Variants in PCDH19 observed in about 807,000 individuals in gnomAD.
The protein encoded by PCDH19 is protocadherin-19.
Under a neutral mutation model 46.2 loss-of-function variants are expected in PCDH19, and 6 were observed. The observed-to-expected ratio is 0.13, with a 90% CI of 0.07 to 0.26. The LOEUF is 0.26. PCDH19 is among the 10% of genes least tolerant of loss of function. The pLI is 1.00. For missense variants in PCDH19, 740 were observed against 972.3 expected, an observed-to-expected ratio of 0.76 and a Z score of 3.18; for synonymous variants, 481 against 415.7, an observed-to-expected ratio of 1.16 and a Z score of -1.91.
At chrX:100,380,539 T>C (rs1338788246) in intron 3 of PCDH19, among the ~76,000 whole-genome samples, 1 of 111,864 alleles carries the variant, frequency 8.9e-6, no homozygotes, top group Non-Finnish European at 1.9e-5. Context: ...AAAAATAGCA[T>C]AGAATGAAAT....
chrX:100,365,463 TATTA>T (rs1200712642), intron 3 of PCDH19, among the ~76,000 whole-genome samples: 2 of 111,802 alleles, frequency 1.8e-5, no homozygotes, highest in Non-Finnish European at 3.8e-5. Flanking sequence ...TTTTATGCAA[TATTA>T]ATTATTTCTT....
In PCDH19 at chrX:100,363,068, G is replaced by A. The variant is rs185521587; in HGVS notation, c.2617-12364C>T. Among the ~76,000 whole-genome samples, 254 of 111,252 alleles carry A rather than the reference G, an allele frequency of 2.3e-3. 1 individual carries two copies. The highest frequency in any genetic ancestry group is 4.0e-3 in the Non-Finnish European group (210 of 53,069). ...CGCCTGTAATCCTAGCACTTTGGGA[G>A]GCCAAGGTGGACGGATCACCTGACG... On this transcript the variant is annotated intron_variant, in intron 3 of 5. Transcript: ENST00000373034.
intron 5 of PCDH19, among the ~76,000 whole-genome samples, chrX:100,315,774 A>G (rs959959313): frequency 8.9e-6 from 1 of 112,371 alleles, no homozygotes; most frequent in African/African-American, 3.2e-5. Flanking sequence ...TTCATACCTA[A>G]TGATTCAGAC....
At chrX:100,387,055 G>GT (rs972519839) in intron 3 of PCDH19, among the ~76,000 whole-genome samples, 2 of 110,998 alleles carry the variant, frequency 1.8e-5, no homozygotes, top group African/African-American at 6.6e-5. Flanking sequence ...ATCTGTGTGA[G>GT]TTTTTTTTCC....
intron 3 of PCDH19, among the ~76,000 whole-genome samples, chrX:100,384,996 T>C (rs1370378592): frequency 9.1e-6 from 1 of 109,589 alleles, no homozygotes; most frequent in Non-Finnish European, 1.9e-5. Context: ...CTGTCTCTAC[T>C]AAAAATACAA....
In PCDH19 at chrX:100,294,431, T is replaced by C. The variant is rs1924526376; in HGVS notation, c.*1846A>G. ...CTCCCCTACCTAACCCCATCCCTAC[T>C]GCCTTACCCACCCCCTCCCTCAAAA... On this transcript the variant is annotated 3_prime_UTR_variant, in exon 6 of 6. Transcript: ENST00000373034. 1 of 110,062 alleles carries C rather than the reference T, an allele frequency of 9.1e-6. No individual in the cohort carries two copies. Among genetic ancestry groups the C allele is most frequent in the African/African-American group, 3.3e-5 (1 of 30,160 alleles). 9.1% of individuals were successfully genotyped at this position (110,062 alleles called of 1,213,427 possible). A position where few individuals can be genotyped will look rare whatever the true frequency, so the allele number is the denominator to read the frequency against.
chrX:100,296,743 G>C lies in PCDH19; in HGVS notation c.2981C>G (p.Ser994Cys). Reference protein sequence around the residue: ...PEHVRNIIALSIEATAADVEA... With the variant: ...PEHVRNIIALCIEATAADVEA... ...GACATCAGCAGCAGTAGCTTCAATA[G>C]ACAGCGCGATGATGTTCCTCACATG... The change falls in exon 6 of 6, where the codon TCT becomes TGT. Residue 994 changes from serine (S) to cysteine (C), a missense_variant. Physicochemically the swap from Ser to Cys is moderately radical, Grantham distance 112 (BLOSUM62 -1). Transcript: ENST00000373034. 8.3e-7 allele frequency: 1 copy of C among 1,211,407 alleles called. No individual in the cohort carries two copies. The highest frequency in any genetic ancestry group is 1.1e-6 in the Non-Finnish European group (1 of 895,332).
intron 3 of PCDH19, among the ~76,000 whole-genome samples, chrX:100,387,757 T>C (rs181154642): frequency 1.7e-4 from 19 of 111,800 alleles, no homozygotes; most frequent in Non-Finnish European, 3.2e-4. Flanking sequence ...AGGAAACAAA[T>C]ATTGTTCATA....
At chrX:100,366,564 T>G (rs1379970190) in intron 3 of PCDH19, among the ~76,000 whole-genome samples, 1 of 112,295 alleles carries the variant, frequency 8.9e-6, no homozygotes, top group Non-Finnish European at 1.9e-5. Context: ...TCATATTTGG[T>G]GAGCATTCGG....
intron 3 of PCDH19, among the ~76,000 whole-genome samples, chrX:100,383,116 T>G (rs188746872): frequency 3.4e-3 from 380 of 112,386 alleles, no homozygotes; most frequent in Non-Finnish European, 5.6e-3. Context: ...AATTAGATAT[T>G]TTCCTAGTCA....
chrX:100,306,538 A>C (rs1002870962), intron 5 of PCDH19, among the ~76,000 whole-genome samples: 11 of 111,979 alleles, frequency 9.8e-5, no homozygotes, highest in African/African-American at 2.9e-4. Context: ...ATGCAAACCC[A>C]GCACAAGAAA....
At chrX:100,363,856 C>CGTGTGTGTGTGT (rs1555980282) in intron 3 of PCDH19, among the ~76,000 whole-genome samples, 21 of 88,965 alleles carry the variant, frequency 2.4e-4, no homozygotes, top group East Asian at 6.4e-4. Context: ...AATGTGCGTG[C>CGTGTGTGTGTGT]GTGTGTGTGT....
chrX:100,328,669 C>T (rs973429190), intron 5 of PCDH19, among the ~76,000 whole-genome samples: 2 of 111,407 alleles, frequency 1.8e-5, no homozygotes, highest in African/African-American at 6.5e-5. Flanking sequence ...AAACATCTGC[C>T]GCCTACTTCA....
rs765412420 is a variant in PCDH19, at chrX:100,341,983, C to T, written c.2768G>A (p.Arg923Gln). 6.6e-6 allele frequency: 8 copies of T among 1,207,941 alleles called. No homozygotes were observed. Among genetic ancestry groups the T allele is most frequent in the South Asian group, 1.8e-5 (1 of 56,900 alleles). ...DQTDSEHDVQRSLYCDTAVND... is the reference protein window; with the variant it reads ...DQTDSEHDVQQSLYCDTAVND... ...GACAGCAGTATCACAATACAGGCTC[C>T]GCTGGACATCATGCTCACTGTCAGT... The change falls in exon 5 of 6, where the codon CGG (arginine) becomes CAG (glutamine). Residue 923 changes from arginine (R) to glutamine (Q), a missense_variant. Transcript: ENST00000373034.
Position 100,407,998 on chromosome X carries a change from C to G in PCDH19, c.600G>C (p.Thr200=). ...TGATTCGGAAGCTGTAGTGCGACTG[C>G]GTCTCGCGGTCCAGGCTCTTTTCCA... is the stretch of plus-strand genomic sequence containing the variant. The part of the protein sequence containing the change: ...LVVEKSLDRE[T]QSHYSFRITA... The change falls in exon 1 of 6, where the codon ACG becomes ACC. Residue 200 remains threonine (T), a synonymous_variant. Transcript: ENST00000373034. The G allele has an allele frequency of 8.3e-7, 1 of 1,207,948 alleles. No individual in the cohort carries two copies. Among genetic ancestry groups the G allele is most frequent in the Non-Finnish European group, 1.1e-6 (1 of 895,456 alleles).
intron 3 of PCDH19, among the ~76,000 whole-genome samples, chrX:100,383,882 G>T (rs1359483080): frequency 1.8e-5 from 2 of 111,765 alleles, no homozygotes; most frequent in Non-Finnish European, 3.8e-5. Context: ...AAACAGATCA[G>T]TGGAAAATAA....
rs754222936 is a variant in PCDH19 at position 100,397,999 on chromosome X, C to CACACACACACAT, written c.2616+4524_2616+4525insATGTGTGTGTGT. On this transcript the variant is annotated intron_variant, in intron 3 of 5. Transcript: ENST00000373034. ...TCACTCTTTTCTACGCCCTCATACA[C>CACACACACACAT]ACACACACACACATACACACACACA... Among the ~76,000 whole-genome samples the CACACACACACAT allele has an allele frequency of 3.4e-3, 371 of 110,203 alleles. 2 individuals are homozygous for CACACACACACAT. The highest frequency in any genetic ancestry group is 0.012 in the African/African-American group (353 of 30,361).
At chrX:100,374,686 T>C (rs767886774) in intron 3 of PCDH19, among the ~76,000 whole-genome samples, 65 of 112,027 alleles carry the variant, frequency 5.8e-4, no homozygotes, top group African/African-American at 1.8e-3. Flanking sequence ...ACGCCTGTAA[T>C]CCCAGCAATT....
intron 3 of PCDH19, among the ~76,000 whole-genome samples, 193 bp downstream of exon 3, chrX:100,402,331 G>A (rs952317500): frequency 8.9e-6 from 1 of 112,293 alleles, no homozygotes; most frequent in African/African-American, 3.2e-5. Context: ...CCTACACAAA[G>A]GCCCAGTATG....
Sources: gnomAD v4.1 joint callset for allele counts (sites outside exome capture counted in the v4.1 genomes callset) on GRCh38, gnomAD v4.1.1 for gene constraint, MANE v1.5 for transcripts, NCBI Gene and HGNC (gene_info 2026-07-23, HGNC 2026-07-21) for gene names.